Variants in POU6F2 observed in about 807,000 individuals in gnomAD.
POU6F2 encodes the protein POU domain, class 6, transcription factor 2.
A neutral mutation model predicts 71.3 loss-of-function variants in POU6F2; 31 were observed. That is an observed-to-expected ratio of 0.43 (90% CI 0.33 to 0.59). POU6F2 has a LOEUF of 0.59. POU6F2 is among the 20% of genes least tolerant of loss of function. POU6F2 has a pLI of 0.04. For synonymous variants in POU6F2, 347 were observed against 355.7 expected (o/e 0.98, Z 0.27); for missense variants, 783 against 856.8 (o/e 0.91, Z 1.07).
intron 2 of POU6F2, among the ~76,000 whole-genome samples, chr7:39,162,366 G>A (rs1001489544): frequency 6.6e-6 from 1 of 152,198 alleles, no homozygotes; most frequent in East Asian, 1.9e-4. Flanking sequence ...TGGTTGCAAT[G>A]CCAACTTGAG....
chr7:39,387,820 C>A (rs1036174523), intron 5 of POU6F2, among the ~76,000 whole-genome samples: 2 of 152,174 alleles, frequency 1.3e-5, no homozygotes, highest in Non-Finnish European at 2.9e-5. Flanking sequence ...GGTAAAGTCA[C>A]AGAATGAATC....
chr7:39,372,131 A>G (rs1227393949), intron 5 of POU6F2, among the ~76,000 whole-genome samples: 1 of 152,080 alleles, frequency 6.6e-6, no homozygotes, highest in Non-Finnish European at 1.5e-5. Context: ...ATGTTGCCCA[A>G]CCTTGTCTCA....
chr7:39,294,822 G>T (rs1322455616), intron 4 of POU6F2, among the ~76,000 whole-genome samples: 3 of 152,130 alleles, frequency 2.0e-5, no homozygotes, highest in Non-Finnish European at 4.4e-5. Context: ...CCCACCTCAA[G>T]ATTGACTTGT....
chr7:39,333,478 C>T (rs1184325530), intron 4 of POU6F2, among the ~76,000 whole-genome samples: 3 of 152,104 alleles, frequency 2.0e-5, no homozygotes, highest in Non-Finnish European at 4.4e-5. Context: ...GTGGCTCACA[C>T]CTATAATCCC....
At chr7:39,014,204 T>C (rs1471397806) in intron 1 of POU6F2, among the ~76,000 whole-genome samples, 6 of 152,178 alleles carry the variant, frequency 3.9e-5, no homozygotes, top group African/African-American at 1.4e-4. Flanking sequence ...AAAGCCAATG[T>C]TTAGCAGCAG....
chr7:39,468,164 C>T lies in POU6F2; in HGVS notation c.*3478C>T, dbSNP rs1316497956. ...CTTCAACTTGAAATTATGTGAGGCACATTTGTTTATTTGTTGTTAAGAAAG... is the reference window on the plus strand; with the variant it reads ...CTTCAACTTGAAATTATGTGAGGCATATTTGTTTATTTGTTGTTAAGAAAG... On this transcript the variant is annotated 3_prime_UTR_variant, in exon 10 of 10. Transcript: ENST00000518318. 2 of 150,604 alleles carry T rather than the reference C, an allele frequency of 1.3e-5. No homozygotes were observed. The highest frequency in any genetic ancestry group is 4.9e-5 in the African/African-American group (2 of 41,064). 9.3% of individuals were successfully genotyped at this position (150,604 alleles called of 1,614,324 possible).
At chr7:39,231,633 A>T (rs1158002274) in intron 4 of POU6F2, among the ~76,000 whole-genome samples, 1 of 152,110 alleles carries the variant, frequency 6.6e-6, no homozygotes, top group Non-Finnish European at 1.5e-5. Flanking sequence ...CCTGGCCAAT[A>T]GAATGTGGGT....
intron 2 of POU6F2, among the ~76,000 whole-genome samples, chr7:39,114,059 AAAAC>A (rs1347422287): frequency 6.6e-6 from 1 of 152,174 alleles, no homozygotes; most frequent in Non-Finnish European, 1.5e-5. Flanking sequence ...ACGGTTTATA[AAAAC>A]AAACAAACCA....
intron 5 of POU6F2, among the ~76,000 whole-genome samples, chr7:39,381,502 A>G (rs1367576851): frequency 6.6e-6 from 1 of 151,954 alleles, no homozygotes; most frequent in Admixed American, 6.6e-5. Flanking sequence ...TCGGCCTCCC[A>G]AAGTGCTAGG....
At chr7:39,071,942 T>A (rs1003665094) in intron 1 of POU6F2, among the ~76,000 whole-genome samples, 28 of 152,154 alleles carry the variant, frequency 1.8e-4, no homozygotes, top group Admixed American at 3.9e-4. Flanking sequence ...TCAGCAGGCT[T>A]GATTAGAGTT....
chr7:39,358,139 A>G (rs1786298339), intron 5 of POU6F2, among the ~76,000 whole-genome samples: 1 of 152,218 alleles, frequency 6.6e-6, no homozygotes, highest in African/African-American at 2.4e-5. Flanking sequence ...TGGATATCTG[A>G]TGATACGAAA....
chr7:39,011,009 G>C (rs1451745249), intron 1 of POU6F2, among the ~76,000 whole-genome samples: 1 of 141,342 alleles, frequency 7.1e-6, no homozygotes, highest in African/African-American at 2.6e-5. Context: ...TGTTGATTTG[G>C]GGTGGAGAGT....
intron 2 of POU6F2, among the ~76,000 whole-genome samples, chr7:39,187,728 C>G (rs1263992242): frequency 6.6e-6 from 1 of 152,200 alleles, no homozygotes; most frequent in Non-Finnish European, 1.5e-5. Flanking sequence ...TAGGAGGAAC[C>G]AGAGCTTTTG....
rs1218156474 is a variant in POU6F2 at position 39,207,499 on chromosome 7, G to T, written c.477G>T (p.Gln159His). ...TCATTCCCTTCAACATGGCGGGACA[G>T]CTAGGAGGCCAGCAAGGACTGGTTC... ...PILIPFNMAGQLGGQQGLVLT... is the reference protein window; with the variant it reads ...PILIPFNMAGHLGGQQGLVLT... The change falls in exon 4 of 10, where the codon CAG becomes CAT. Residue 159 changes from glutamine to histidine, a missense_variant. By Grantham distance (24) the Gln-to-His change is conservative. Transcript: ENST00000518318. 6 of 1,614,030 alleles carry T rather than the reference G, an allele frequency of 3.7e-6. No individual in the cohort carries two copies. The highest frequency in any genetic ancestry group is 3.3e-5 in the South Asian group (3 of 91,084).
intron 2 of POU6F2, among the ~76,000 whole-genome samples, chr7:39,119,917 G>A (rs1212041248): frequency 6.6e-6 from 1 of 152,154 alleles, no homozygotes. Flanking sequence ...GAATTAGAAG[G>A]CACATACGAT....
At chr7:39,268,799 G>A (rs1784295008) in intron 4 of POU6F2, among the ~76,000 whole-genome samples, 1 of 152,192 alleles carries the variant, frequency 6.6e-6, no homozygotes, top group Admixed American at 6.5e-5. Context: ...AACCACCCTT[G>A]ACATCAGGAG....
chr7:38,997,877 T>C (rs991817158), intron 1 of POU6F2, among the ~76,000 whole-genome samples: 1 of 152,152 alleles, frequency 6.6e-6, no homozygotes, highest in Non-Finnish European at 1.5e-5. Context: ...GATTATCAAG[T>C]CCAACAGACC....
chr7:39,460,307 G>A lies in POU6F2; in HGVS notation c.1490-240G>A, dbSNP rs1011223936. Among the ~76,000 whole-genome samples the A allele has an allele frequency of 9.8e-5, 15 of 152,336 alleles. No individual in the cohort carries two copies. The highest frequency in any genetic ancestry group is 3.4e-4 in the African/African-American group (14 of 41,568). ...GCTCTGGCATTGGGGAAGTGGCAGT[G>A]TGAACAAGCTGTGGTTTTATCTGGG... On this transcript the variant is annotated intron_variant, in intron 8 of 9. Transcript: ENST00000518318. The surrounding 1 kb of genome is among the most constrained non-coding windows in gnomAD (Gnocchi z 4.4).
intron 2 of POU6F2, among the ~76,000 whole-genome samples, chr7:39,147,053 A>G (rs2128733146): frequency 6.6e-6 from 1 of 152,344 alleles, no homozygotes; most frequent in East Asian, 1.9e-4. Flanking sequence ...ATACACATAG[A>G]AAAAGTCATA....
Sources: allele counts gnomAD v4.1 joint callset (sites outside exome capture counted in the v4.1 genomes callset), GRCh38; gene constraint gnomAD v4.1.1; non-coding constraint Gnocchi (gnomAD v3.1); transcripts MANE v1.5; gene names NCBI Gene and HGNC (gene_info 2026-07-23, HGNC 2026-07-21).